PRDM11: variants seen among roughly 807,000 people sequenced by gnomAD.
PRDM11 encodes PR domain-containing protein 11.
PRDM11 carries 20 observed loss-of-function variants against 97.8 expected under a neutral mutation model. The observed-to-expected ratio is 0.20, with a 90% confidence interval of 0.14 to 0.30. The LOEUF (loss-of-function observed/expected upper bound fraction) is 0.30. Ranked by LOEUF, PRDM11 falls within the 10% of genes least tolerant of loss-of-function variation. The probability of loss-of-function intolerance (pLI) is 1.00; values close to 1 mark genes in which losing one functional copy is unlikely to be tolerated. For missense variants in PRDM11, 1,139 were observed against 1,555.2 expected, an observed-to-expected ratio of 0.73 and a Z score of 4.50; for synonymous variants, 599 against 637.7, an observed-to-expected ratio of 0.94 and a Z score of 0.91.
chr11:45,139,822 G>A (rs1231901913), intron 1 of PRDM11, among the ~76,000 whole-genome samples: 1 of 152,186 alleles, frequency 6.6e-6, no homozygotes, highest in Non-Finnish European at 1.5e-5. Context: ...GACTGTAGGT[G>A]TCTCACTCAT....
chr11:45,212,137 G>A (rs1450311477), intron 5 of PRDM11, among the ~76,000 whole-genome samples: 1 of 152,236 alleles, frequency 6.6e-6, no homozygotes, highest in Non-Finnish European at 1.5e-5. Flanking sequence ...AAAGTGAGGT[G>A]CAGAGAGATG....
At position 45,227,494 on chromosome 11, in the gene PRDM11, C is replaced by G. The variant is rs1470524401; in HGVS notation, c.2869C>G (p.Gln957Glu). The part of the protein sequence containing the change: ...KNLRVAEAKF[Q>E]SIREKICQKT... ...CCTCAGGGTGGCTGAAGCCAAGTTC[C>G]AGTCCATCAGGGAGAAGATCTGCCA... Residue 957 changes from glutamine (Q) to glutamate (E), a missense_variant, in exon 8 of 8, where the codon CAG (glutamine) becomes GAG (glutamate). By Grantham distance (29) the Gln-to-Glu change is conservative. This residue lies in a region of PRDM11 where 710 missense variants were observed against 1,044.9 expected (regional missense o/e 0.68). Coordinates refer to ENST00000683152, the MANE Select transcript of PRDM11 (RefSeq NM_001384648.1). This position sits in a 1 kb window ranked among gnomAD's most constrained non-coding sequence, Gnocchi z 8.0. 2 of 1,533,858 alleles carry G rather than the reference C, an allele frequency of 1.3e-6. No individual in the cohort carries two copies. Among genetic ancestry groups the G allele is most frequent in the Admixed American group, 3.9e-5 (2 of 50,998 alleles).
chr11:45,221,161 GC>G (rs1854110634), intron 6 of PRDM11, among the ~76,000 whole-genome samples: 1 of 152,210 alleles, frequency 6.6e-6, no homozygotes, highest in Non-Finnish European at 1.5e-5. Context: ...CACAGCTGCT[GC>G]CTGACTTGGT....
chr11:45,228,896 C>A lies in PRDM11; in HGVS notation c.*737C>A, dbSNP rs3758719. ...TGTGGATCCCTTCCTTCCAGCCCCC[C>A]CTGGAAACTCACAATATTACCCATT... On this transcript the variant is annotated 3_prime_UTR_variant, in exon 8 of 8. Transcript: ENST00000683152. 52,749 of 152,094 alleles carry A rather than the reference C, an allele frequency of 0.35. 10,457 individuals carry two copies. Among genetic ancestry groups the A allele is most frequent in the Non-Finnish European group, 0.45 (30,470 of 68,010 alleles). The allele number at this position is 152,094 out of a possible 1,614,324, so 9.4% of individuals were successfully genotyped here.
chr11:45,172,791 C>G (rs1361591322), intron 1 of PRDM11, among the ~76,000 whole-genome samples: 1 of 152,106 alleles, frequency 6.6e-6, no homozygotes, highest in African/African-American at 2.4e-5. Flanking sequence ...ATTTTATATC[C>G]AGGACTTGAG....
chr11:45,225,117 G>T, intron 7 of PRDM11: 2 of 1,414,784 alleles, frequency 1.4e-6, no homozygotes, highest in Non-Finnish European at 1.8e-6. Flanking sequence ...TTCTTGACCC[G>T]TTGCCTTTCT....
upstream of PRDM11, among the ~76,000 whole-genome samples, chr11:45,145,068 T>G (rs1851477490): frequency 6.6e-6 from 1 of 151,032 alleles, no homozygotes; most frequent in Non-Finnish European, 1.5e-5. Context: ...GCATTGAACC[T>G]CATATAACGA....
At chr11:45,209,237 T>C (rs2135809773) in intron 5 of PRDM11, 1 of 404,458 alleles carries the variant, frequency 2.5e-6, no homozygotes, top group Non-Finnish European at 5.0e-6. Flanking sequence ...TCACGGCCCG[T>C]GCAGGGCGCG....
At chr11:45,121,845 T>C (rs565741870) in intron 1 of PRDM11, among the ~76,000 whole-genome samples, 18 of 152,214 alleles carry the variant, frequency 1.2e-4, no homozygotes, top group African/African-American at 4.3e-4. Context: ...AAATAGTCCA[T>C]GGGCCAAAGG....
chr11:45,126,521 C>T (rs376551783), intron 1 of PRDM11, among the ~76,000 whole-genome samples: 11 of 152,058 alleles, frequency 7.2e-5, no homozygotes, highest in South Asian at 6.3e-4. Context: ...AGCTCTTTTA[C>T]GGCAGGCCTG....
chr11:45,161,859 A>G (rs1409301399), intron 1 of PRDM11, among the ~76,000 whole-genome samples: 1 of 152,198 alleles, frequency 6.6e-6, no homozygotes, highest in African/African-American at 2.4e-5. Context: ...GGCCAAGGTC[A>G]TTTCACAGAT....
intron 5 of PRDM11, chr11:45,212,946 C>G (rs1485736635): frequency 1.3e-5 from 5 of 399,712 alleles, no homozygotes; most frequent in Admixed American, 2.6e-5. Flanking sequence ...CCCCAGGCCA[C>G]CCAGGCCCAA....
At chr11:45,218,866 C>T (rs116695102) in intron 5 of PRDM11, among the ~76,000 whole-genome samples, 5 of 152,344 alleles carry the variant, frequency 3.3e-5, no homozygotes, top group Non-Finnish European at 5.9e-5. Context: ...CAGTGGGAAA[C>T]GTGCATAGGA....
intron 1 of PRDM11, among the ~76,000 whole-genome samples, chr11:45,180,008 A>T (rs1852428081): frequency 6.6e-6 from 1 of 152,202 alleles, no homozygotes; most frequent in African/African-American, 2.4e-5. Flanking sequence ...ACCTGAACCC[A>T]CTTAAGGGTG....
At chr11:45,224,135 C>T (rs1854195473) in intron 6 of PRDM11, 82 bp from the exon 7 acceptor site, 1 of 1,472,328 alleles carries the variant, frequency 6.8e-7, no homozygotes, top group East Asian at 2.3e-5. Context: ...GGTGACCTAA[C>T]AGGAGGCCTG....
chr11:45,175,159 A>AGG (rs1852297578), intron 1 of PRDM11, among the ~76,000 whole-genome samples: 1 of 152,218 alleles, frequency 6.6e-6, no homozygotes, highest in African/African-American at 2.4e-5. Flanking sequence ...CAAAGTCCAT[A>AGG]GTTTACATTA....
At chr11:45,222,468 A>G (rs1207160846) in intron 6 of PRDM11, among the ~76,000 whole-genome samples, 4 of 152,220 alleles carry the variant, frequency 2.6e-5, no homozygotes, top group Non-Finnish European at 4.4e-5. Context: ...CAAGTGCTGC[A>G]TCTGATCTGT....
chr11:45,094,542 G>T (rs1001239348), upstream of PRDM11, among the ~76,000 whole-genome samples: 4 of 145,252 alleles, frequency 2.8e-5, no homozygotes, highest in African/African-American at 1.0e-4. Flanking sequence ...AGGGAGAGAG[G>T]GATATGACGG....
At chr11:45,161,648 G>C (rs1233161161) in intron 1 of PRDM11, among the ~76,000 whole-genome samples, 1 of 152,232 alleles carries the variant, frequency 6.6e-6, no homozygotes, top group Admixed American at 6.5e-5. Context: ...GTCCCGGGAC[G>C]GCTCTGGGCC....
Sources: allele counts gnomAD v4.1 joint callset (sites outside exome capture counted in the v4.1 genomes callset), GRCh38; gene constraint gnomAD v4.1.1; regional missense constraint gnomAD v4.1.1; non-coding constraint Gnocchi (gnomAD v3.1); transcripts MANE v1.5; gene names NCBI Gene and HGNC (gene_info 2026-07-23, HGNC 2026-07-21).